DMXL2: variants seen among roughly 807,000 people sequenced by gnomAD.
DMXL2 encodes dmX-like protein 2.
Under a neutral mutation model 331.1 loss-of-function variants are expected in DMXL2, and 103 were observed. That is an observed-to-expected ratio of 0.31 (90% CI 0.27 to 0.37). The LOEUF is 0.37. Among genes scored for constraint, DMXL2 ranks in the 10% least tolerant of loss-of-function variants. The pLI is 1.00. For missense variants in DMXL2, 3,171 were observed against 3,642.9 expected (o/e 0.87, Z 3.33); for synonymous variants, 1,281 against 1,252.1 (o/e 1.02, Z -0.49).
intron 13 of DMXL2, among the ~76,000 whole-genome samples, chr15:51,517,891 T>C (rs2047125543): frequency 6.6e-6 from 1 of 152,176 alleles, no homozygotes; most frequent in South Asian, 2.1e-4. Context: ...TTTGTATCAG[T>C]AGGATTCCAG....
chr15:51,523,253 T>C (rs896607318), intron 13 of DMXL2, among the ~76,000 whole-genome samples: 2 of 152,168 alleles, frequency 1.3e-5, no homozygotes, highest in Non-Finnish European at 2.9e-5. Context: ...CAGAAAGTAG[T>C]CATGTCATCT....
At chr15:51,475,252 G>C (rs1190291967) in intron 27 of DMXL2, among the ~76,000 whole-genome samples, 1 of 152,188 alleles carries the variant, frequency 6.6e-6, no homozygotes, top group Non-Finnish European at 1.5e-5. Context: ...AGCACTTTGG[G>C]AGGCCAAGAC....
intron 15 of DMXL2, among the ~76,000 whole-genome samples, chr15:51,508,711 G>C (rs2046566870): frequency 6.6e-6 from 1 of 152,194 alleles, no homozygotes; most frequent in South Asian, 2.1e-4. Flanking sequence ...CCAGCGCGCA[G>C]ACTCCTCATT....
intron 42 of DMXL2, among the ~76,000 whole-genome samples, chr15:51,450,847 C>A (rs929024236): frequency 1.3e-5 from 2 of 152,202 alleles, no homozygotes; most frequent in Non-Finnish European, 2.9e-5. Flanking sequence ...TGCAGAAAAT[C>A]TGTAAGCAAT....
rs149074908 is a variant in DMXL2 at position 51,498,491 on chromosome 15, A to C, written c.4672+61T>G. The C allele has an allele frequency of 1.2e-4, 186 of 1,509,078 alleles. 2 individuals are homozygous for C. The East Asian group carries it at 4.0e-3, about 33-fold the overall frequency. The allele number at this position is 1,509,078 out of a possible 1,614,324, so 93.5% of individuals were successfully genotyped here. A position where few individuals can be genotyped will look rare whatever the true frequency, so the allele number is the denominator to read the frequency against. On this transcript the variant is annotated intron_variant, in intron 18 of 43. Coordinates refer to ENST00000560891, the MANE Select transcript of DMXL2 (RefSeq NM_001378457.1). ...TGCAATTCAGTAAATGAGTCAGTAT[A>C]GAGATAATACAAATATTTCTATTAG...
intron 7 of DMXL2, among the ~76,000 whole-genome samples, chr15:51,546,750 A>C (rs2048913604): frequency 6.6e-6 from 1 of 152,146 alleles, no homozygotes; most frequent in Non-Finnish European, 1.5e-5. Flanking sequence ...ACAACAACAA[A>C]AAAAACACAA....
chr15:51,534,592 T>C (rs938572252), intron 13 of DMXL2, among the ~76,000 whole-genome samples: 3 of 152,168 alleles, frequency 2.0e-5, no homozygotes, highest in Non-Finnish European at 4.4e-5. Context: ...AGATGGCTGG[T>C]GAGACCAGGT....
rs745532251 is a variant in DMXL2 at position 51,458,795 on chromosome 15, C to G, written c.7990G>C (p.Val2664Leu). 1.5e-4 allele frequency: 250 copies of G among 1,613,634 alleles called. No individual in the cohort carries two copies. Among genetic ancestry groups the G allele is most frequent in the Non-Finnish European group, 1.9e-4 (228 of 1,179,794 alleles). The change falls in exon 35 of 44, where the codon GTT (valine) becomes CTT (leucine). Residue 2664 changes from valine to leucine, a missense_variant and splice_region_variant. This residue lies in a region of DMXL2 where 766 missense variants were observed against 940.5 expected (regional missense o/e 0.81). Transcript: ENST00000560891. Reference sequence around the variant, plus strand: ...CCTGGATAGCCCAGATCAGCTTCAACCTAGAAAACATTCATCAGCAGTTTT... The same window carrying G: ...CCTGGATAGCCCAGATCAGCTTCAAGCTAGAAAACATTCATCAGCAGTTTT... ...NCIAEDCHIK[V>L]EADLGYPGGK... is the part of the protein sequence containing the mutation.
intron 42 of DMXL2, 133 bp from the exon 43 acceptor site, chr15:51,450,479 G>T: frequency 2.3e-6 from 2 of 882,422 alleles, no homozygotes; most frequent in Non-Finnish European, 3.5e-6. Context: ...TGTTTTGTAA[G>T]TCATTGAATT....
At chr15:51,567,994 G>C (rs2050403640) in intron 3 of DMXL2, 1 of 152,774 alleles carries the variant, frequency 6.5e-6, no homozygotes, top group Non-Finnish European at 1.5e-5. Flanking sequence ...GAGGTGGGAG[G>C]ACCATTTGAC....
intron 42 of DMXL2, 127 bp downstream of exon 42, chr15:51,451,518 A>G: frequency 2.8e-6 from 2 of 726,130 alleles, no homozygotes; most frequent in Non-Finnish European, 4.5e-6. Flanking sequence ...TTCATTCTAA[A>G]TATTTCTCCA....
At chr15:51,512,704 T>C (rs2046826745) in intron 15 of DMXL2, among the ~76,000 whole-genome samples, 1 of 151,798 alleles carries the variant, frequency 6.6e-6, no homozygotes, top group East Asian at 1.9e-4. Context: ...TAATCCCAGC[T>C]ACTCGGGAGG....
intron 6 of DMXL2, among the ~76,000 whole-genome samples, chr15:51,559,908 A>G (rs2049846353): frequency 6.6e-6 from 1 of 152,232 alleles, no homozygotes; most frequent in Non-Finnish European, 1.5e-5. Context: ...AATTAAAGAT[A>G]CATATAACAT....
At chr15:51,470,946 C>T (rs1026241862) in intron 29 of DMXL2, among the ~76,000 whole-genome samples, 1 of 152,072 alleles carries the variant, frequency 6.6e-6, no homozygotes, top group Non-Finnish European at 1.5e-5. Flanking sequence ...ACAAGTATTC[C>T]AGTCACTCGA....
intron 34 of DMXL2, 76 bp from the exon 35 acceptor site, chr15:51,458,871 A>C (rs1428405799): frequency 3.2e-6 from 4 of 1,239,998 alleles, no homozygotes; most frequent in East Asian, 2.3e-5. Context: ...CATAAGATTT[A>C]AATGTAGGAT....
chr15:51,599,265 C>CCT (rs756537689), intron 1 of DMXL2, among the ~76,000 whole-genome samples: 82 of 152,262 alleles, frequency 5.4e-4, no homozygotes, highest in South Asian at 1.5e-3. Flanking sequence ...ATCAGCTATT[C>CCT]CTCCAAGAAA....
intron 1 of DMXL2, among the ~76,000 whole-genome samples, chr15:51,609,303 A>G (rs1387361365): frequency 6.6e-6 from 1 of 152,268 alleles, no homozygotes; most frequent in Non-Finnish European, 1.5e-5. Flanking sequence ...CAGTAATTAC[A>G]TTAAGTATAA....
chr15:51,608,901 AAG>A (rs2053772513), intron 1 of DMXL2, among the ~76,000 whole-genome samples: 1 of 152,226 alleles, frequency 6.6e-6, no homozygotes, highest in Admixed American at 6.5e-5. Context: ...GGAAGAAACG[AAG>A]AGCAAAGTAA....
rs371737302 is a variant in DMXL2 at position 51,488,658 on chromosome 15, T to C, written c.4954-13A>G. On this transcript the variant is annotated splice_polypyrimidine_tract_variant and intron_variant, in intron 20 of 43. Coordinates refer to ENST00000560891, the MANE Select transcript of DMXL2 (RefSeq NM_001378457.1). ...AAGCTTTGGCAACCTAAATGATAAA[T>C]AAAATATTAAATTCACAATTTGACA... is the stretch of plus-strand genomic sequence containing the variant. 40 of 1,580,276 alleles carry C rather than the reference T, an allele frequency of 2.5e-5. No individual in the cohort carries two copies. The African/African-American group carries it at 4.9e-4, about 19-fold the overall frequency.
Sources: allele counts gnomAD v4.1 joint callset (sites outside exome capture counted in the v4.1 genomes callset), GRCh38; gene constraint gnomAD v4.1.1; regional missense constraint gnomAD v4.1.1; transcripts MANE v1.5; gene names NCBI Gene and HGNC (gene_info 2026-07-23, HGNC 2026-07-21).